Variants in BMP5 observed in about 807,000 individuals in gnomAD.
BMP5 encodes bone morphogenetic protein 5.
In BMP5, 23 loss-of-function variants were observed where a neutral mutation model predicts 46.6. The ratio of observed to expected loss-of-function variants is 0.49; its 90% CI spans 0.35 to 0.70. The LOEUF (loss-of-function observed/expected upper bound fraction) is 0.70. Among genes scored for constraint, BMP5 ranks in the 30% least tolerant of loss-of-function variants. BMP5 has a pLI of 0.00. For synonymous variants in BMP5, 204 were observed against 191.9 expected, an observed-to-expected ratio of 1.06 and a Z score of -0.52; for missense variants, 545 against 565.6, an observed-to-expected ratio of 0.96 and a Z score of 0.37.
intron 1 of BMP5, among the ~76,000 whole-genome samples, chr6:55,833,484 T>C (rs1257833858): frequency 6.6e-6 from 1 of 152,214 alleles, no homozygotes; most frequent in Non-Finnish European, 1.5e-5. Context: ...ACAGGCTTTA[T>C]TCTTTTTCGG....
chr6:55,780,301 T>C (rs1374785153), intron 3 of BMP5, among the ~76,000 whole-genome samples: 1 of 151,238 alleles, frequency 6.6e-6, no homozygotes, highest in African/African-American at 2.4e-5. Flanking sequence ...ATATGAACTA[T>C]GAGTTGAGAG....
intron 4 of BMP5, among the ~76,000 whole-genome samples, chr6:55,762,587 C>T (rs1774813724): frequency 6.6e-6 from 1 of 152,064 alleles, no homozygotes; most frequent in African/African-American, 2.4e-5. Flanking sequence ...GGAAATATCT[C>T]CCTTGCAGCT....
At chr6:55,855,821 T>C (rs1412382111) in intron 1 of BMP5, among the ~76,000 whole-genome samples, 1 of 152,226 alleles carries the variant, frequency 6.6e-6, no homozygotes, top group African/African-American at 2.4e-5. Context: ...TCCTTAAACA[T>C]GTAATTTCCT....
intron 1 of BMP5, among the ~76,000 whole-genome samples, chr6:55,858,232 T>C (rs998403944): frequency 1.3e-5 from 2 of 152,216 alleles, no homozygotes; most frequent in Non-Finnish European, 2.9e-5. Flanking sequence ...AAACACCTCA[T>C]TCTTCTCAAT....
chr6:55,818,070 CAT>C (rs1776319862), intron 2 of BMP5, among the ~76,000 whole-genome samples: 1 of 152,270 alleles, frequency 6.6e-6, no homozygotes, highest in African/African-American at 2.4e-5. Context: ...ACTGTGATAA[CAT>C]AAAGCCCTTT....
At chr6:55,787,113 C>T (rs531396189) in intron 3 of BMP5, among the ~76,000 whole-genome samples, 5 of 151,522 alleles carry the variant, frequency 3.3e-5, no homozygotes, top group Non-Finnish European at 7.4e-5. Context: ...ATTCAGATTA[C>T]CCAGCCATAT....
At chr6:55,797,951 G>C (rs906332474) in intron 2 of BMP5, among the ~76,000 whole-genome samples, 1 of 152,090 alleles carries the variant, frequency 6.6e-6, no homozygotes, top group African/African-American at 2.4e-5. Context: ...TACCAGACTA[G>C]AGTTTGCAAT....
At chr6:55,803,153 G>T (rs1447527212) in intron 2 of BMP5, among the ~76,000 whole-genome samples, 1 of 134,048 alleles carries the variant, frequency 7.5e-6, no homozygotes, top group Non-Finnish European at 1.6e-5. Context: ...GGGGTGGGGG[G>T]GTGGGGGGGG....
intron 1 of BMP5, among the ~76,000 whole-genome samples, chr6:55,854,583 A>G (rs968965913): frequency 6.6e-6 from 1 of 152,110 alleles, no homozygotes; most frequent in East Asian, 1.9e-4. Flanking sequence ...TCATTTCACA[A>G]TTATTGTTGA....
chr6:55,759,194 A>AAAAAAAAAAAAAAC (rs1554174497), intron 5 of BMP5, 79 bp from the exon 6 acceptor site: 3 of 797,428 alleles, frequency 3.8e-6, no homozygotes, highest in Admixed American at 2.8e-5. Context: ...CAACAAGAAA[A>AAAAAAAAAAAAAAC]AATATCACCA....
chr6:55,815,736 G>GGC (rs1448634960), intron 2 of BMP5, among the ~76,000 whole-genome samples: 2 of 152,032 alleles, frequency 1.3e-5, no homozygotes, highest in East Asian at 3.9e-4. Flanking sequence ...CCAAAACTAT[G>GGC]AAGTCACGTG....
At chr6:55,870,611 C>T (rs529146013) in intron 1 of BMP5, among the ~76,000 whole-genome samples, 1 of 152,150 alleles carries the variant, frequency 6.6e-6, no homozygotes, top group African/African-American at 2.4e-5. Context: ...AGATAGGCAT[C>T]TTTAGGTAGA....
intron 1 of BMP5, among the ~76,000 whole-genome samples, chr6:55,841,760 T>C (rs1224817156): frequency 6.6e-6 from 1 of 152,188 alleles, no homozygotes; most frequent in Non-Finnish European, 1.5e-5. Flanking sequence ...TTAGCTCAGT[T>C]GAATTATGTT....
At position 55,820,604 on chromosome 6, in the gene BMP5, G is replaced by A. The variant is rs904797377; in HGVS notation, c.491-757C>T. On this transcript the variant is annotated intron_variant, in intron 1 of 6. Transcript: ENST00000370830. Reference sequence around the variant, plus strand: ...AGCCAATTTTTTTATTTTTTGTAGGGGCAGGGTCTCACTATGTTACCTAGA... The same window carrying A: ...AGCCAATTTTTTTATTTTTTGTAGGAGCAGGGTCTCACTATGTTACCTAGA... Among the ~76,000 whole-genome samples the A allele has an allele frequency of 1.6e-4, 24 of 151,802 alleles. No homozygotes were observed. The East Asian group carries it at 4.7e-3, about 29-fold the overall frequency.
At chr6:55,762,437 T>G in intron 4 of BMP5, among the ~76,000 whole-genome samples, 1 of 152,128 alleles carries the variant, frequency 6.6e-6, no homozygotes, top group Admixed American at 6.6e-5. Flanking sequence ...ATGATTAAAT[T>G]TTGAAATCAA....
Position 55,776,701 on chromosome 6 carries a change from T to C in BMP5, c.833-2458A>G, listed in dbSNP as rs186767569. Among the ~76,000 whole-genome samples, 55 of 152,116 alleles carry C rather than the reference T, an allele frequency of 3.6e-4. No individual in the cohort carries two copies. The East Asian group carries it at 0.01, about 28-fold the overall frequency. On this transcript the variant is annotated intron_variant, in intron 3 of 6. Transcript: ENST00000370830. ...AATACTGAAATAGGTTGCTGAGAGATGTTCATAAATGGAATACAATAAAAT... is the reference window on the plus strand; with the variant it reads ...AATACTGAAATAGGTTGCTGAGAGACGTTCATAAATGGAATACAATAAAAT...
At chr6:55,785,116 A>G (rs1582062737) in intron 3 of BMP5, among the ~76,000 whole-genome samples, 2 of 152,016 alleles carry the variant, frequency 1.3e-5, no homozygotes, top group South Asian at 4.1e-4. Context: ...CTGAAAATGA[A>G]TTAAAAATAT....
chr6:55,874,799 C>T lies in BMP5; in HGVS notation c.67G>A (p.Gly23Ser). 1 of 1,613,272 alleles carries T rather than the reference C, an allele frequency of 6.2e-7. No homozygotes were observed. ...TCTCCCAAACCTCCTTTTGCATAAC[C>T]CACTAGAACCCAGCAGCTCCAGAGG... Reference protein sequence around the residue: ...GFLWSCWVLVGYAKGGLGDNH... With the variant: ...GFLWSCWVLVSYAKGGLGDNH... The change falls in exon 1 of 7, where the codon GGT becomes AGT. Residue 23 changes from glycine to serine, a missense_variant. Gly to Ser is a moderately conservative substitution (Grantham distance 56, BLOSUM62 0). Transcript: ENST00000370830.
At chr6:55,792,908 T>C in intron 3 of BMP5, among the ~76,000 whole-genome samples, 1 of 152,116 alleles carries the variant, frequency 6.6e-6, no homozygotes, top group East Asian at 1.9e-4. Flanking sequence ...TTAAATAAGA[T>C]ACGTTCTCTT....
Sources: gnomAD v4.1 joint callset for allele counts (sites outside exome capture counted in the v4.1 genomes callset) on GRCh38, gnomAD v4.1.1 for gene constraint, MANE v1.5 for transcripts, NCBI Gene and HGNC (gene_info 2026-07-23, HGNC 2026-07-21) for gene names.